The following PPP1CA variants were observed in gnomAD, a reference collection of about 807,000 sequenced individuals.
PPP1CA encodes protein phosphatase 1 catalytic subunit alpha, also known as serine/threonine-protein phosphatase PP1-alpha catalytic subunit.
A neutral mutation model predicts 38.5 loss-of-function variants in PPP1CA; 14 were observed. The observed-to-expected ratio is 0.36, with a 90% CI of 0.24 to 0.57. The LOEUF (loss-of-function observed/expected upper bound fraction) is 0.57. PPP1CA is among the 20% of genes least tolerant of loss of function. The pLI is 0.80. For synonymous variants in PPP1CA, 200 were observed against 177.3 expected (o/e 1.13, Z -1.02); for missense variants, 277 against 435.2 (o/e 0.64, Z 3.23).
In PPP1CA at chr11:67,401,764, G is replaced by C; in HGVS notation, c.19C>G (p.Leu7Val). ...CGCCCGATGATCGAGTCCAGGTTGA[G>C]CTTCTCGCTGTCGGACATGGCGGCG... is the stretch of plus-strand genomic sequence containing the variant. MSDSEKLNLDSIIGRLL... is the reference protein window; with the variant it reads MSDSEKVNLDSIIGRLL... The change falls in exon 1 of 7, where the codon CTC (leucine) becomes GTC (valine). Residue 7 changes from leucine to valine, a missense_variant. Leu to Val is a conservative substitution (Grantham distance 32). Transcript: ENST00000376745. 2.0e-6 allele frequency: 3 copies of C among 1,478,224 alleles called. No homozygotes were observed. The highest frequency in any genetic ancestry group is 1.8e-6 in the Non-Finnish European group (2 of 1,105,334). The allele number at this position is 1,478,224 out of a possible 1,614,324, so 91.6% of individuals were successfully genotyped here.
intron 4 of PPP1CA, among the ~76,000 whole-genome samples, 160 bp downstream of exon 4, chr11:67,399,401 C>A (rs1862829901): frequency 6.6e-6 from 1 of 152,196 alleles, no homozygotes; most frequent in Non-Finnish European, 1.5e-5. Flanking sequence ...AAGCCCACTC[C>A]ATGTAGGACA....
Position 67,399,573 on chromosome 11 carries a change from A to C in PPP1CA, c.511T>G (p.Cys171Gly). 6.2e-7 allele frequency: 1 copy of C among 1,614,018 alleles called. No individual in the cohort carries two copies. The highest frequency in any genetic ancestry group is 8.5e-7 in the Non-Finnish European group (1 of 1,179,932). The change falls in exon 4 of 7, where the codon TGC (cysteine) becomes GGC (glycine). Residue 171 changes from cysteine to glycine, a missense_variant. Physicochemically the swap from Cys to Gly is radical, Grantham distance 159. Transcript: ENST00000376745. ...TCCCCTCCCTCACCTCCGTGGCAGC[A>C]GAAGATCTTTTCGTCCACTATGGCC... ...IAAIVDEKIF[C>G]CHGGLSPDLQ...
At position 67,401,817 on chromosome 11, in the gene PPP1CA, C is replaced by T; in HGVS notation, c.-35G>A. On this transcript the variant is annotated 5_prime_UTR_variant, in exon 1 of 7. Coordinates refer to ENST00000376745, the MANE Select transcript of PPP1CA (RefSeq NM_002708.4). ...GCCGCTCCAGCCCAGCAGCTCCTGGCCCGCTCCTGCCTCCCGCCCTCCGGC... is the reference window on the plus strand; with the variant it reads ...GCCGCTCCAGCCCAGCAGCTCCTGGTCCGCTCCTGCCTCCCGCCCTCCGGC... The T allele has an allele frequency of 1.4e-6, 2 of 1,399,838 alleles. No homozygotes were observed. The highest frequency in any genetic ancestry group is 1.9e-6 in the Non-Finnish European group (2 of 1,065,262). 86.7% of individuals were successfully genotyped at this position (1,399,838 alleles called of 1,614,324 possible).
intron 1 of PPP1CA, 156 bp from the exon 2 acceptor site, chr11:67,401,355 T>A: frequency 1.5e-6 from 2 of 1,299,538 alleles, no homozygotes; most frequent in Non-Finnish European, 2.1e-6. Context: ...GACCGCGGCC[T>A]CAAGCCTCCC....
chr11:67,400,673 C>T lies in PPP1CA; in HGVS notation c.418+16G>A. 1 of 1,612,296 alleles carries T rather than the reference C, an allele frequency of 6.2e-7. No individual in the cohort carries two copies. Among genetic ancestry groups the T allele is most frequent in the African/African-American group, 1.3e-5 (1 of 75,032 alleles). On this transcript the variant is annotated intron_variant, in intron 3 of 6. Transcript: ENST00000376745. ...GGTTCAGGACCCGGGCAGCCCCAGA[C>T]GCTCAGACCACTCACACTCATCGTA... is the stretch of plus-strand genomic sequence containing the variant.
Position 67,398,824 on chromosome 11 carries a change from C to T in PPP1CA, c.780G>A (p.Lys260=). 2 of 1,613,676 alleles carry T rather than the reference C, an allele frequency of 1.2e-6. No homozygotes were observed. The highest frequency in any genetic ancestry group is 2.2e-5 in the East Asian group (1 of 44,886). Residue 260 remains lysine (K), a synonymous_variant, in exon 6 of 7, where the codon AAG becomes AAA. Coordinates refer to ENST00000376745, the MANE Select transcript of PPP1CA (RefSeq NM_002708.4). Reference sequence around the variant, plus strand: ...CTGAGAAAAGTGTCACCAGCTGCCGCTTGGCAAAGAACTCGTAGCCGTCTT... The same window carrying T: ...CTGAGAAAAGTGTCACCAGCTGCCGTTTGGCAAAGAACTCGTAGCCGTCTT... ...VVEDGYEFFA[K]RQLVTLFSAP... is the part of the protein sequence containing the mutation.
Position 67,398,661 on chromosome 11 carries a change from T to C in PPP1CA, c.883-16A>G, listed in dbSNP as rs781146931. On this transcript the variant is annotated splice_polypyrimidine_tract_variant and intron_variant, in intron 6 of 6. Transcript: ENST00000376745. ...GCTTGAGGATCTAAAAGAGACAGTG[T>C]TGGTCAGGCTCATGGGGCTGAGCCA... 4.3e-6 allele frequency: 7 copies of C among 1,613,738 alleles called. No individual in the cohort carries two copies. The highest frequency in any genetic ancestry group is 1.3e-5 in the African/African-American group (1 of 74,932).
In PPP1CA at chr11:67,399,178, G is replaced by T. The variant is rs766678245; in HGVS notation, c.524-15C>A. The T allele has an allele frequency of 1.9e-6, 3 of 1,606,710 alleles. No individual in the cohort carries two copies. The highest frequency in any genetic ancestry group is 1.7e-4 in the Middle Eastern group (1 of 6,058). ...CGGGGACAGGCCTGGGGGGCCGGGG[G>T]AAGGTCACTTCCTCAAACAAGGACA... On this transcript the variant is annotated splice_polypyrimidine_tract_variant and intron_variant, in intron 4 of 6. Transcript: ENST00000376745.
intron 1 of PPP1CA, 170 bp from the exon 2 acceptor site, chr11:67,401,369 G>A: frequency 1.7e-6 from 2 of 1,170,664 alleles, no homozygotes; most frequent in Non-Finnish European, 2.4e-6. Flanking sequence ...GCCTCCCAGG[G>A]GAAGCCCCCA....
Position 67,401,338 on chromosome 11 carries a change from C to T in PPP1CA, c.56-139G>A, listed in dbSNP as rs1266782870. ...CCACAGGCAGCTGTTGCTGCTGAGC[C>T]TCCCGGGACCGCGGCCTCAAGCCTC... is the stretch of plus-strand genomic sequence containing the variant. On this transcript the variant is annotated intron_variant, in intron 1 of 6. Coordinates refer to ENST00000376745, the MANE Select transcript of PPP1CA (RefSeq NM_002708.4). The T allele has an allele frequency of 6.3e-6, 9 of 1,421,944 alleles. No individual in the cohort carries two copies. The East Asian group carries it at 1.9e-4, about 30-fold the overall frequency. The allele number at this position is 1,421,944 out of a possible 1,614,324, so 88.1% of individuals were successfully genotyped here. A position where few individuals can be genotyped will look rare whatever the true frequency, so the allele number is the denominator to read the frequency against.
chr11:67,398,463 C>CT lies in PPP1CA; in HGVS notation c.*71_*72insA, dbSNP rs1339648433. 32 of 1,478,952 alleles carry CT rather than the reference C, an allele frequency of 2.2e-5. No individual in the cohort carries two copies. The highest frequency in any genetic ancestry group is 3.0e-5 in the Non-Finnish European group (32 of 1,073,064). 91.6% of individuals were successfully genotyped at this position (1,478,952 alleles called of 1,614,324 possible). A position where few individuals can be genotyped will look rare whatever the true frequency, so the allele number is the denominator to read the frequency against. The stretch of plus-strand genomic sequence containing the variant: ...GGTGGGCCTGAGGGGTCGGGGTGAC[C>CT]CCCCCCCAGCATGGCAGCATGATTT... On this transcript the variant is annotated 3_prime_UTR_variant, in exon 7 of 7. Coordinates refer to ENST00000376745, the MANE Select transcript of PPP1CA (RefSeq NM_002708.4).
chr11:67,401,227 T>G, intron 1 of PPP1CA, 28 bp from the exon 2 acceptor site: 1 of 1,611,524 alleles, frequency 6.2e-7, no homozygotes, highest in Non-Finnish European at 8.5e-7. Flanking sequence ...GTCAGGACCC[T>G]GGACCCTGAC....
chr11:67,398,463 C>A lies in PPP1CA; in HGVS notation c.*72G>T, dbSNP rs1862790161. The A allele has an allele frequency of 4.7e-6, 7 of 1,478,946 alleles. No homozygotes were observed. Among genetic ancestry groups the A allele is most frequent in the Non-Finnish European group, 4.7e-6 (5 of 1,073,060 alleles). The allele number at this position is 1,478,946 out of a possible 1,614,324, so 91.6% of individuals were successfully genotyped here. A position where few individuals can be genotyped will look rare whatever the true frequency, so the allele number is the denominator to read the frequency against. ...GGTGGGCCTGAGGGGTCGGGGTGACCCCCCCCCAGCATGGCAGCATGATTT... is the reference window on the plus strand; with the variant it reads ...GGTGGGCCTGAGGGGTCGGGGTGACACCCCCCCAGCATGGCAGCATGATTT... On this transcript the variant is annotated 3_prime_UTR_variant, in exon 7 of 7. Transcript: ENST00000376745.
chr11:67,400,674 G>C lies in PPP1CA; in HGVS notation c.418+15C>G, dbSNP rs370135174. Reference sequence around the variant, plus strand: ...GTTCAGGACCCGGGCAGCCCCAGACGCTCAGACCACTCACACTCATCGTAG... The same window carrying C: ...GTTCAGGACCCGGGCAGCCCCAGACCCTCAGACCACTCACACTCATCGTAG... On this transcript the variant is annotated intron_variant, in intron 3 of 6. Coordinates refer to ENST00000376745, the MANE Select transcript of PPP1CA (RefSeq NM_002708.4). 16 of 1,612,150 alleles carry C rather than the reference G, an allele frequency of 9.9e-6. No homozygotes were observed. The highest frequency in any genetic ancestry group is 1.3e-5 in the African/African-American group (1 of 74,924).
In PPP1CA at chr11:67,401,735, C is replaced by G; in HGVS notation, c.48G>C (p.Leu16=). ...KLNLDSIIGR[L]LEVQGSRPGK... is the part of the protein sequence containing the mutation. ...TCCCCCGCCCCGACCAACCTTCCAG[C>G]AGGCGCCCGATGATCGAGTCCAGGT... The change falls in exon 1 of 7, where the codon CTG becomes CTC. Residue 16 remains leucine (L), a synonymous_variant. Transcript: ENST00000376745. 1 of 1,475,036 alleles carries G rather than the reference C, an allele frequency of 6.8e-7. No individual in the cohort carries two copies. The highest frequency in any genetic ancestry group is 9.1e-7 in the Non-Finnish European group (1 of 1,104,134). The allele number at this position is 1,475,036 out of a possible 1,614,324, so 91.4% of individuals were successfully genotyped here.
rs201018561 is a variant in PPP1CA, at chr11:67,399,181, G to A, written c.524-18C>T. The stretch of plus-strand genomic sequence containing the variant: ...GGACAGGCCTGGGGGGCCGGGGGAA[G>A]GTCACTTCCTCAAACAAGGACATCC... On this transcript the variant is annotated intron_variant, in intron 4 of 6. Transcript: ENST00000376745. 6.2e-7 allele frequency: 1 copy of A among 1,604,602 alleles called. No individual in the cohort carries two copies. Among genetic ancestry groups the A allele is most frequent in the East Asian group, 2.2e-5 (1 of 44,724 alleles).
In PPP1CA at chr11:67,400,701, A is replaced by T; in HGVS notation, c.406T>A (p.Phe136Ile). ...ECASINRIYG[F>I]YDECKRRYNI... is the part of the protein sequence containing the mutation. ...TCAGACCACTCACACTCATCGTAGA[A>T]ACCATAGATGCGGTTGATGCTGGCA... The change falls in exon 3 of 7, where the codon TTC (phenylalanine) becomes ATC (isoleucine). Residue 136 changes from phenylalanine (F) to isoleucine (I), a missense_variant. Phe to Ile is a conservative substitution (Grantham distance 21, BLOSUM62 0). Transcript: ENST00000376745. The T allele has an allele frequency of 6.2e-7, 1 of 1,613,818 alleles. No individual in the cohort carries two copies. Among genetic ancestry groups the T allele is most frequent in the Non-Finnish European group, 8.5e-7 (1 of 1,180,010 alleles).
At position 67,398,447 on chromosome 11, in the gene PPP1CA, G is replaced by T. The variant is rs1060380; in HGVS notation, c.*88C>A. On this transcript the variant is annotated 3_prime_UTR_variant, in exon 7 of 7. Coordinates refer to ENST00000376745, the MANE Select transcript of PPP1CA (RefSeq NM_002708.4). ...CATGTTCCCCGTGACAGGTGGGCCT[G>T]AGGGGTCGGGGTGACCCCCCCCCAG... 2 of 1,337,774 alleles carry T rather than the reference G, an allele frequency of 1.5e-6. 1 individual carries two copies. The allele number at this position is 1,337,774 out of a possible 1,614,324, so 82.9% of individuals were successfully genotyped here. A position where few individuals can be genotyped will look rare whatever the true frequency, so the allele number is the denominator to read the frequency against.
intron 1 of PPP1CA, chr11:67,401,429 C>A (rs1862886820): frequency 1.4e-6 from 1 of 713,994 alleles, no homozygotes; most frequent in African/African-American, 1.8e-5. Flanking sequence ...GGGGCTGCCA[C>A]CAAAAACCTC....
Sources: gnomAD v4.1 joint callset for allele counts (sites outside exome capture counted in the v4.1 genomes callset) on GRCh38, gnomAD v4.1.1 for gene constraint, MANE v1.5 for transcripts, NCBI Gene and HGNC (gene_info 2026-07-23, HGNC 2026-07-21) for gene names.